Variants in DYNC2I1 observed in about 807,000 individuals in gnomAD.
DYNC2I1 encodes dynein 2 intermediate chain 1.
Under a neutral mutation model 133.4 loss-of-function variants are expected in DYNC2I1, and 89 were observed. That is an observed-to-expected ratio of 0.67 (90% CI 0.56 to 0.80). The LOEUF is 0.80. DYNC2I1 is among the 30% of genes least tolerant of loss of function. The pLI, the probability that DYNC2I1 is intolerant of heterozygous loss-of-function variation, is 0.00. For missense variants in DYNC2I1, 1,291 were observed against 1,314.5 expected (o/e 0.98, Z 0.28); for synonymous variants, 504 against 484.3 (o/e 1.04, Z -0.54).
downstream of DYNC2I1, among the ~76,000 whole-genome samples, chr7:158,958,287 C>A (rs901196777): frequency 1.3e-5 from 2 of 152,102 alleles, no homozygotes; most frequent in Non-Finnish European, 2.9e-5. Context: ...CAGGCAGAAG[C>A]CTGTGCCGCG....
In DYNC2I1 at chr7:158,934,494, G is replaced by T; in HGVS notation, c.2723G>T (p.Arg908Ile). The T allele has an allele frequency of 6.4e-7, 1 of 1,573,830 alleles. No individual in the cohort carries two copies. The highest frequency in any genetic ancestry group is 8.6e-7 in the Non-Finnish European group (1 of 1,158,542). The change falls in exon 23 of 25, where the codon AGA becomes ATA. Residue 908 changes from arginine to isoleucine, a missense_variant. Transcript: ENST00000407559. ...TTCAAACCTCAGCAACATGGTATAA[G>T]ACCAGTGAAAGTTAATGTCATTGAT... ...KLFKPQQHGI[R>I]PVKVNVIDFS...
intron 8 of DYNC2I1, among the ~76,000 whole-genome samples, chr7:158,895,311 T>C (rs931081835): frequency 4.6e-5 from 7 of 152,178 alleles, no homozygotes; most frequent in African/African-American, 1.7e-4. Flanking sequence ...CTGTTTCGAG[T>C]GTGTTTTCTT....
downstream of DYNC2I1, among the ~76,000 whole-genome samples, chr7:158,947,678 G>A (rs1436589238): frequency 5.3e-5 from 8 of 152,308 alleles, no homozygotes; most frequent in South Asian, 1.4e-3. Context: ...GCTCAGTTAC[G>A]TCCTCCTGAC....
At chr7:158,939,440 C>T (rs184147372) in intron 23 of DYNC2I1, among the ~76,000 whole-genome samples, 24 of 152,072 alleles carry the variant, frequency 1.6e-4, no homozygotes, top group Admixed American at 5.9e-4. Context: ...AATGAGATCC[C>T]GTCTCAATAA....
chr7:158,864,137 G>A (rs1398208274), intron 1 of DYNC2I1, among the ~76,000 whole-genome samples: 1 of 151,618 alleles, frequency 6.6e-6, no homozygotes, highest in African/African-American at 2.4e-5. Flanking sequence ...GGGAGCAGAC[G>A]TTCTTAGCTC....
At chr7:158,890,331 G>A (rs7807070) in intron 7 of DYNC2I1, among the ~76,000 whole-genome samples, 10,481 of 151,882 alleles carry the variant, frequency 0.069, 478 homozygotes, top group African/African-American at 0.12. Flanking sequence ...CTTTTCCAGA[G>A]GAGTAAAATA....
At position 158,860,314 on chromosome 7, in the gene DYNC2I1, C is replaced by T. The variant is rs545565043; in HGVS notation, c.15+3564C>T. On this transcript the variant is annotated intron_variant, in intron 1 of 24. Coordinates refer to ENST00000407559, the MANE Select transcript of DYNC2I1 (RefSeq NM_018051.5). The stretch of plus-strand genomic sequence containing the variant: ...CCTCAGGTGATTCACCAGCCTCAGT[C>T]TCCCAAAGTGCTGGGATTACAGGCG... 2.0e-5 allele frequency among the ~76,000 whole-genome samples: 3 copies of T among 152,338 alleles called. No individual in the cohort carries two copies. In the East Asian group the frequency reaches 5.8e-4, roughly 29 times the overall value.
intron 1 of DYNC2I1, among the ~76,000 whole-genome samples, chr7:158,867,254 C>T (rs540854268): frequency 9.2e-5 from 14 of 152,034 alleles, no homozygotes; most frequent in Admixed American, 6.6e-4. Flanking sequence ...GTTACTATGG[C>T]GTGGTGATAC....
rs1425587858 is a variant in DYNC2I1, at chr7:158,934,226, A to G, written c.2644A>G (p.Met882Val). The change falls in exon 22 of 25, where the codon ATG becomes GTG. Residue 882 changes from methionine (M) to valine (V), a missense_variant and splice_region_variant. Transcript: ENST00000407559. The part of the protein sequence containing the change: ...DPNHFIIGTD[M>V]GLISHGTRQD... ...TAATCACTTTATTATTGGCACAGAC[A>G]TGGTGAGTAGTATTTTAAATTTAAT... The G allele has an allele frequency of 6.2e-7, 1 of 1,606,722 alleles. No individual in the cohort carries two copies. The highest frequency in any genetic ancestry group is 1.7e-5 in the Admixed American group (1 of 58,060).
At chr7:158,884,514 C>T (rs1184828074) in intron 5 of DYNC2I1, 50 bp from the exon 6 acceptor site, 1 of 1,561,440 alleles carries the variant, frequency 6.4e-7, no homozygotes, top group Non-Finnish European at 8.7e-7. Flanking sequence ...ATGCTTACTT[C>T]ATTCCGATAT....
the DYNC2I1 span, among the ~76,000 whole-genome samples, chr7:158,841,198 TATATATATATATATA>T: frequency 1.9e-4 from 14 of 73,706 alleles, no homozygotes; most frequent in African/African-American, 8.9e-4. Context: ...TATATATATA[TATATATATATATATA>T]TATATATATT....
chr7:158,843,819 A>T, the DYNC2I1 span, among the ~76,000 whole-genome samples: 13 of 152,300 alleles, frequency 8.5e-5, no homozygotes, highest in East Asian at 2.5e-3. Context: ...GACACAAGTT[A>T]CAGTAGGATC....
chr7:158,871,677 T>C, intron 3 of DYNC2I1, 115 bp downstream of exon 3: 1 of 1,204,486 alleles, frequency 8.3e-7, no homozygotes, highest in Non-Finnish European at 1.1e-6. Context: ...TCCTTCCCCT[T>C]TCCTTTTTTT....
chr7:158,922,123 G>A (rs539420516), intron 15 of DYNC2I1, among the ~76,000 whole-genome samples: 3 of 152,288 alleles, frequency 2.0e-5, no homozygotes, highest in East Asian at 3.9e-4. Context: ...TGTGGGAGTC[G>A]CTCGTGGAGC....
chr7:158,929,934 G>A (rs1311437574), intron 20 of DYNC2I1, among the ~76,000 whole-genome samples: 16 of 152,088 alleles, frequency 1.1e-4, no homozygotes, highest in Non-Finnish European at 2.9e-5. Flanking sequence ...GGAAGCTGGA[G>A]AAGCTGCTGG....
At chr7:158,919,417 T>C (rs189112371) in intron 15 of DYNC2I1, among the ~76,000 whole-genome samples, 160 of 152,350 alleles carry the variant, frequency 1.1e-3, no homozygotes, top group African/African-American at 3.4e-3. Flanking sequence ...GTTTAATCAG[T>C]TCAGACAAAC....
At chr7:158,926,556 T>G in intron 19 of DYNC2I1, 93 bp downstream of exon 19, 1 of 1,378,956 alleles carries the variant, frequency 7.3e-7, no homozygotes, top group Non-Finnish European at 1.0e-6. Flanking sequence ...CGGGACCCAG[T>G]TAGCTGTGGT....
intron 7 of DYNC2I1, 31 bp from the exon 8 acceptor site, chr7:158,891,234 C>T: frequency 6.2e-7 from 1 of 1,613,672 alleles, no homozygotes; most frequent in Non-Finnish European, 8.5e-7. Flanking sequence ...CACCTGTGTC[C>T]TGGCTGATGG....
At chr7:158,935,936 A>G (rs1037784482) in intron 23 of DYNC2I1, among the ~76,000 whole-genome samples, 1 of 152,174 alleles carries the variant, frequency 6.6e-6, no homozygotes, top group Non-Finnish European at 1.5e-5. Flanking sequence ...ACGGTGGCCC[A>G]AATCCCAGCA....
Sources: allele counts gnomAD v4.1 joint callset (sites outside exome capture counted in the v4.1 genomes callset), GRCh38; gene constraint gnomAD v4.1.1; transcripts MANE v1.5; gene names NCBI Gene and HGNC (gene_info 2026-07-23, HGNC 2026-07-21).